Variants in AFG2A observed in about 807,000 individuals in gnomAD.
The protein encoded by AFG2A is AAA ATPase AFG2A.
chr4:123,031,098 T>C, the AFG2A span, among the ~76,000 whole-genome samples: 2 of 152,188 alleles, frequency 1.3e-5, no homozygotes, highest in African/African-American at 4.8e-5. Context: ...AAAGTAACAA[T>C]ACCATACAGC....
the AFG2A span, among the ~76,000 whole-genome samples, chr4:123,131,283 A>G: frequency 0.18 from 27,425 of 152,014 alleles, 2,810 homozygotes; most frequent in East Asian, 0.46. Flanking sequence ...ACTTATGTAT[A>G]ATGTCTCCTA....
chr4:123,215,758 T>A, the AFG2A span, among the ~76,000 whole-genome samples: 1 of 152,142 alleles, frequency 6.6e-6, no homozygotes, highest in Non-Finnish European at 1.5e-5. Flanking sequence ...TAGGGATATT[T>A]ATTGCCTGAA....
chr4:123,135,756 A>G, the AFG2A span, among the ~76,000 whole-genome samples: 1 of 152,214 alleles, frequency 6.6e-6, no homozygotes, highest in Non-Finnish European at 1.5e-5. Context: ...CATTTTATAT[A>G]AAGGACTTGA....
chr4:123,057,238 T>C, the AFG2A span: 4 of 1,613,926 alleles, frequency 2.5e-6, no homozygotes, highest in Non-Finnish European at 3.4e-6. Context: ...CAGTGGCGCC[T>C]TCCATTATTT....
At chr4:123,169,227 T>C in the AFG2A span, among the ~76,000 whole-genome samples, 4 of 152,220 alleles carry the variant, frequency 2.6e-5, no homozygotes, top group Non-Finnish European at 5.9e-5. Flanking sequence ...AGTTCTTGCA[T>C]ATGTAATGAA....
chr4:123,026,199 G>A, the AFG2A span, among the ~76,000 whole-genome samples: 1 of 151,990 alleles, frequency 6.6e-6, no homozygotes, highest in African/African-American at 2.4e-5. Context: ...TGAGAGGGTT[G>A]GCTGTGAGCC....
At chr4:122,946,958 A>G in the AFG2A span, among the ~76,000 whole-genome samples, 1 of 152,096 alleles carries the variant, frequency 6.6e-6, no homozygotes, top group Non-Finnish European at 1.5e-5. Context: ...AGTAAGAGAG[A>G]TGTCATAGTA....
chr4:123,148,159 A>G, the AFG2A span, among the ~76,000 whole-genome samples: 40 of 152,224 alleles, frequency 2.6e-4, no homozygotes, highest in African/African-American at 9.6e-4. Flanking sequence ...CTCAATATTT[A>G]CAAAACTCTG....
the AFG2A span, among the ~76,000 whole-genome samples, chr4:123,109,171 CTTTG>C: frequency 6.6e-6 from 1 of 152,074 alleles, no homozygotes; most frequent in Admixed American, 6.5e-5. Context: ...TATGTTTTAT[CTTTG>C]CTTGTTAGAC....
the AFG2A span, among the ~76,000 whole-genome samples, chr4:123,010,087 T>A: frequency 2.6e-5 from 4 of 152,166 alleles, no homozygotes; most frequent in African/African-American, 9.7e-5. Flanking sequence ...ATTGGTCTCT[T>A]TTACTAGATT....
chr4:122,947,168 G>A, the AFG2A span: 1 of 1,448,576 alleles, frequency 6.9e-7, no homozygotes, highest in South Asian at 1.5e-5. Flanking sequence ...CAGCCAGTGT[G>A]TGCCTCTCAC....
chr4:123,269,926 T>A, the AFG2A span, among the ~76,000 whole-genome samples: 1 of 112,598 alleles, frequency 8.9e-6, no homozygotes, highest in Admixed American at 1.0e-4. Context: ...AAGCGATTCT[T>A]CTGCCTCAGC....
the AFG2A span, among the ~76,000 whole-genome samples, chr4:123,271,314 C>T: frequency 1.3e-5 from 2 of 152,194 alleles, no homozygotes; most frequent in Non-Finnish European, 2.9e-5. Context: ...GTTGGAATGG[C>T]TTGAGGATGT....
At chr4:122,925,133 A>G in the AFG2A span, among the ~76,000 whole-genome samples, 1 of 152,066 alleles carries the variant, frequency 6.6e-6, no homozygotes, top group African/African-American at 2.4e-5. Flanking sequence ...AGAGTCATCC[A>G]TGACTCTCCC....
At chr4:123,182,932 TAC>T in the AFG2A span, among the ~76,000 whole-genome samples, 1 of 152,220 alleles carries the variant, frequency 6.6e-6, no homozygotes, top group Non-Finnish European at 1.5e-5. Flanking sequence ...TTTTGCGTTA[TAC>T]ACAGTTTAAG....
chr4:123,073,729 C>T, the AFG2A span, among the ~76,000 whole-genome samples: 1 of 152,072 alleles, frequency 6.6e-6, no homozygotes, highest in Non-Finnish European at 1.5e-5. Context: ...GTCAGGTCAA[C>T]TAAAGAAAAG....
At chr4:123,122,751 T>C in the AFG2A span, among the ~76,000 whole-genome samples, 1 of 150,762 alleles carries the variant, frequency 6.6e-6, no homozygotes, top group Non-Finnish European at 1.5e-5. Context: ...GAAAACTACT[T>C]TTTTTTTTGG....
chr4:123,272,526 C>T, the AFG2A span, among the ~76,000 whole-genome samples: 3 of 152,124 alleles, frequency 2.0e-5, no homozygotes, highest in Admixed American at 2.0e-4. Context: ...CTATGATTCT[C>T]AGGGAAAGTG....
At chr4:122,925,975 G>A in the AFG2A span, among the ~76,000 whole-genome samples, 5 of 152,238 alleles carry the variant, frequency 3.3e-5, no homozygotes, top group South Asian at 4.1e-4. Context: ...CTCAATAAAT[G>A]TGAAAGTAGT....
Sources: gnomAD v4.1 joint callset for allele counts (sites outside exome capture counted in the v4.1 genomes callset) on GRCh38, gnomAD v4.1.1 for gene constraint, MANE v1.5 for transcripts, NCBI Gene and HGNC (gene_info 2026-07-23, HGNC 2026-07-21) for gene names.